PNLIPRP3: variants seen among roughly 807,000 people sequenced by gnomAD.
The protein encoded by PNLIPRP3 is pancreatic lipase-related protein 3.
Under a neutral mutation model 52.8 loss-of-function variants are expected in PNLIPRP3, and 58 were observed. The observed-to-expected ratio is 1.10, with a 90% CI of 0.89 to 1.37. The LOEUF is 1.37. Ranked by LOEUF, PNLIPRP3 falls within the 40% of genes most tolerant of loss-of-function variation. PNLIPRP3 has a pLI of 0.00. For synonymous variants in PNLIPRP3, 192 were observed against 185.0 expected (o/e 1.04, Z -0.31); for missense variants, 593 against 561.6 (o/e 1.06, Z -0.57).
chr10:116,474,756 T>A (rs1488109170), intron 10 of PNLIPRP3, among the ~76,000 whole-genome samples: 2 of 152,094 alleles, frequency 1.3e-5, no homozygotes, highest in Non-Finnish European at 2.9e-5. Context: ...TAAGATACCA[T>A]CTCACACCAG....
At chr10:116,456,715 G>A (rs1328704228) in intron 5 of PNLIPRP3, among the ~76,000 whole-genome samples, 1 of 152,148 alleles carries the variant, frequency 6.6e-6, no homozygotes, top group East Asian at 1.9e-4. Context: ...TGTGTGAGAT[G>A]GATGAAGGTC....
chr10:116,474,201 T>C (rs1243267487), intron 10 of PNLIPRP3, among the ~76,000 whole-genome samples: 2 of 152,100 alleles, frequency 1.3e-5, no homozygotes, highest in South Asian at 2.1e-4. Flanking sequence ...GGGGAAAGAA[T>C]CCCCTACTCA....
chr10:116,468,793 G>A (rs577083802), intron 8 of PNLIPRP3, among the ~76,000 whole-genome samples: 58 of 152,302 alleles, frequency 3.8e-4, no homozygotes, highest in African/African-American at 1.4e-3. Flanking sequence ...AAGCAAATGA[G>A]AATTCCCCTA....
intron 4 of PNLIPRP3, among the ~76,000 whole-genome samples, chr10:116,453,320 C>T (rs1004490283): frequency 6.6e-6 from 1 of 152,114 alleles, no homozygotes; most frequent in South Asian, 2.1e-4. Context: ...TTTACAGGCT[C>T]ATAGGTAAAA....
At chr10:116,448,142 GT>G (rs1368558261) in intron 4 of PNLIPRP3, among the ~76,000 whole-genome samples, 3 of 152,078 alleles carry the variant, frequency 2.0e-5, no homozygotes, top group African/African-American at 4.8e-5. Context: ...ACAAAATACT[GT>G]AACATGTGTG....
chr10:116,431,589 A>G (rs753899960), intron 1 of PNLIPRP3, among the ~76,000 whole-genome samples: 1 of 152,256 alleles, frequency 6.6e-6, no homozygotes, highest in Non-Finnish European at 1.5e-5. Flanking sequence ...ACGATCCCAC[A>G]TAATTTAATC....
chr10:116,461,170 G>T lies in PNLIPRP3; in HGVS notation c.688G>T (p.Val230Phe). The T allele has an allele frequency of 1.2e-6, 2 of 1,614,218 alleles. No homozygotes were observed. Among genetic ancestry groups the T allele is most frequent in the African/African-American group, 1.3e-5 (1 of 75,066 alleles). ...TACCCTGTTTTTATTTATTTCAGGT[G>T]TTGGAACCATTGATGCTTGTGGTCA... ...NAARILFELGVGTIDACGHLD... is the reference protein window; with the variant it reads ...NAARILFELGFGTIDACGHLD... The change falls in exon 7 of 12, where the codon GTT becomes TTT. Residue 230 changes from valine to phenylalanine, a missense_variant and splice_region_variant. Transcript: ENST00000369230.
At chr10:116,448,682 A>G (rs1013777623) in intron 4 of PNLIPRP3, among the ~76,000 whole-genome samples, 3 of 141,974 alleles carry the variant, frequency 2.1e-5, no homozygotes. Flanking sequence ...CCCTGTCTCT[A>G]TAAAAAGGTG....
intron 5 of PNLIPRP3, 141 bp downstream of exon 5, chr10:116,455,971 G>A (rs1032640290): frequency 2.6e-5 from 18 of 690,260 alleles, no homozygotes; most frequent in Middle Eastern, 3.6e-4. Flanking sequence ...AAACGTGAAC[G>A]TGTTTTCAGA....
chr10:116,471,003 G>A (rs1846362868), intron 9 of PNLIPRP3, among the ~76,000 whole-genome samples: 1 of 152,170 alleles, frequency 6.6e-6, no homozygotes. Context: ...AGTAGAATGG[G>A]CGGAGAAGAG....
chr10:116,447,958 C>CA (rs35367938), intron 4 of PNLIPRP3, among the ~76,000 whole-genome samples: 1,396 of 108,446 alleles, frequency 0.013, 54 homozygotes, highest in East Asian at 0.11. Context: ...GAGACTCCAT[C>CA]AAAAAAAAAA....
chr10:116,431,066 A>G (rs1845703244), intron 1 of PNLIPRP3, among the ~76,000 whole-genome samples: 1 of 152,186 alleles, frequency 6.6e-6, no homozygotes, highest in African/African-American at 2.4e-5. Context: ...ATCATCCTTG[A>G]CTTTTCTTTC....
intron 10 of PNLIPRP3, among the ~76,000 whole-genome samples, chr10:116,474,048 C>T (rs1344851853): frequency 6.7e-6 from 1 of 149,900 alleles, no homozygotes; most frequent in Non-Finnish European, 1.5e-5. Flanking sequence ...AACTACACTA[C>T]AGGGCTACAG....
At chr10:116,476,009 A>G (rs375285338) in intron 10 of PNLIPRP3, among the ~76,000 whole-genome samples, 25 of 152,276 alleles carry the variant, frequency 1.6e-4, no homozygotes, top group African/African-American at 6.0e-4. Flanking sequence ...TGCCACGACC[A>G]ATCTGGGTCA....
intron 4 of PNLIPRP3, among the ~76,000 whole-genome samples, chr10:116,448,688 AGG>A (rs1409142999): frequency 8.5e-6 from 1 of 118,068 alleles, no homozygotes; most frequent in African/African-American, 3.2e-5. Context: ...CTCTATAAAA[AGG>A]TGTTTTGTTT....
At chr10:116,455,999 C>T (rs367717953) in intron 5 of PNLIPRP3, among the ~76,000 whole-genome samples, 169 bp downstream of exon 5, 2 of 152,212 alleles carry the variant, frequency 1.3e-5, no homozygotes, top group African/African-American at 2.4e-5. Context: ...TGTGCAGATT[C>T]GCTTCAAGGG....
At chr10:116,461,340 C>G in intron 7 of PNLIPRP3, 50 bp downstream of exon 7, 1 of 1,581,358 alleles carries the variant, frequency 6.3e-7, no homozygotes, top group Non-Finnish European at 8.7e-7. Flanking sequence ...TCACTTAGCT[C>G]TCTCCTTAGA....
chr10:116,461,098 A>G lies in PNLIPRP3; in HGVS notation c.685+13A>G. On this transcript the variant is annotated intron_variant, in intron 6 of 11. Transcript: ENST00000369230. ...CTCTTTGAGCTTGGTAAGTTTTAAC[A>G]GAATCAGAAACTTCATTGAAGCATA... is the stretch of plus-strand genomic sequence containing the variant. 6.2e-7 allele frequency: 1 copy of G among 1,614,184 alleles called. No individual in the cohort carries two copies. Among genetic ancestry groups the G allele is most frequent in the South Asian group, 1.1e-5 (1 of 91,078 alleles).
intron 2 of PNLIPRP3, 60 bp from the exon 3 acceptor site, chr10:116,442,995 A>C: frequency 7.5e-7 from 1 of 1,340,012 alleles, no homozygotes; most frequent in East Asian, 2.6e-5. Flanking sequence ...GAATAGGTCT[A>C]CTAACTATTA....
Sources: gnomAD v4.1 joint callset for allele counts (sites outside exome capture counted in the v4.1 genomes callset) on GRCh38, gnomAD v4.1.1 for gene constraint, MANE v1.5 for transcripts, NCBI Gene and HGNC (gene_info 2026-07-23, HGNC 2026-07-21) for gene names.